ERFE: variants seen among roughly 807,000 people sequenced by gnomAD.
The protein encoded by ERFE is erythroferrone, also known as complement C1q tumor necrosis factor-related protein 15.
In ERFE, 25 loss-of-function variants were observed where a neutral mutation model predicts 26.6. The observed-to-expected ratio is 0.94, with a 90% confidence interval of 0.69 to 1.31. The LOEUF (loss-of-function observed/expected upper bound fraction) is 1.31. ERFE is among the 40% of genes most tolerant of loss of function. ERFE has a pLI of 0.00. For synonymous variants in ERFE, 206 were observed against 204.5 expected (o/e 1.01, Z -0.06); for missense variants, 447 against 440.2 (o/e 1.02, Z -0.14).
rs192903599 is a variant in ERFE at position 238,161,414 on chromosome 2, C to G, written c.199-180C>G. On this transcript the variant is annotated intron_variant, in intron 1 of 7. Transcript: ENST00000546354. ...TCCCTAGGAGTCATCCTCCACGGGC[C>G]GGGGGAGAAGCTGTGAGGGGTTGGG... Among the ~76,000 whole-genome samples, 3 of 152,186 alleles carry G rather than the reference C, an allele frequency of 2.0e-5. No individual in the cohort carries two copies. In the South Asian group the frequency reaches 6.2e-4, roughly 31 times the overall value.
Position 238,164,069 on chromosome 2 carries a change from T to C in ERFE, c.688-6T>C. On this transcript the variant is annotated splice_polypyrimidine_tract_variant and splice_region_variant and intron_variant, in intron 4 of 7. Transcript: ENST00000546354. Reference sequence around the variant, plus strand: ...GAGCCGGGGTGACCATCCGTGCCCCTCGCAGCCCGACGCCGAGGGTGCCTT... The same window carrying C: ...GAGCCGGGGTGACCATCCGTGCCCCCCGCAGCCCGACGCCGAGGGTGCCTT... 7.1e-7 allele frequency: 1 copy of C among 1,416,160 alleles called. No individual in the cohort carries two copies. The highest frequency in any genetic ancestry group is 9.2e-7 in the Non-Finnish European group (1 of 1,089,744). 87.7% of individuals were successfully genotyped at this position (1,416,160 alleles called of 1,614,324 possible). A position where few individuals can be genotyped will look rare whatever the true frequency, so the allele number is the denominator to read the frequency against.
chr2:238,164,553 C>G (rs867476900), intron 6 of ERFE, 193 bp downstream of exon 6: 1 of 588,506 alleles, frequency 1.7e-6, no homozygotes. Flanking sequence ...CAACTGGGAG[C>G]TGTTAAAAAT....
intron 7 of ERFE, 31 bp downstream of exon 7, chr2:238,165,715 C>T (rs1253584708): frequency 1.3e-6 from 2 of 1,539,964 alleles, no homozygotes; most frequent in East Asian, 2.5e-5. Context: ...CATCGAGGGG[C>T]ACCGCCTGGG....
At chr2:238,161,508 C>T (rs552337089) in intron 1 of ERFE, 86 bp from the exon 2 acceptor site, 19 of 1,425,642 alleles carry the variant, frequency 1.3e-5, no homozygotes, top group Middle Eastern at 2.6e-4. Context: ...TACAGAAGGC[C>T]ACACAGTCAC....
Position 238,168,869 on chromosome 2 carries a change from T to C in ERFE, c.*1815T>C, listed in dbSNP as rs1693095941. The C allele has an allele frequency of 6.1e-6, 1 of 162,796 alleles. No homozygotes were observed. The highest frequency in any genetic ancestry group is 1.4e-5 in the Non-Finnish European group (1 of 73,698). The allele number at this position is 162,796 out of a possible 1,614,324, so 10.1% of individuals were successfully genotyped here. A position where few individuals can be genotyped will look rare whatever the true frequency, so the allele number is the denominator to read the frequency against. ...GCAATTTATTAAAGTATTTATTGTC[T>C]AATAAATACTGCCAAGTGGAATATA... On this transcript the variant is annotated 3_prime_UTR_variant, in exon 8 of 8. Transcript: ENST00000546354.
At chr2:238,165,545 C>T (rs750727554) in intron 6 of ERFE, 61 bp from the exon 7 acceptor site, 7 of 1,380,600 alleles carry the variant, frequency 5.1e-6, no homozygotes, top group South Asian at 3.7e-5. Context: ...GATTGTGTGT[C>T]GTAGGTGAAG....
rs1220014773 is a variant in ERFE at position 238,168,779 on chromosome 2, T to TTA, written c.*1727_*1728dup. The stretch of plus-strand genomic sequence containing the variant: ...ACTGGGCACAGATATTCTAGAGAAC[T>TTA]TATCTTTCACTCTTGTAAAAGCCAC... On this transcript the variant is annotated 3_prime_UTR_variant, in exon 8 of 8. Transcript: ENST00000546354. 1.1e-5 allele frequency: 2 copies of TTA among 187,024 alleles called. No individual in the cohort carries two copies. The highest frequency in any genetic ancestry group is 1.1e-5 in the Non-Finnish European group (1 of 88,368). 11.6% of individuals were successfully genotyped at this position (187,024 alleles called of 1,614,324 possible). A position where few individuals can be genotyped will look rare whatever the true frequency, so the allele number is the denominator to read the frequency against.
intron 1 of ERFE, among the ~76,000 whole-genome samples, 181 bp downstream of exon 1, chr2:238,159,386 C>T (rs1490077034): frequency 2.6e-5 from 4 of 152,070 alleles, no homozygotes; most frequent in Non-Finnish European, 4.4e-5. Flanking sequence ...CTCAGCCCGG[C>T]GGGGCAGCCT....
rs893179735 is a variant in ERFE, at chr2:238,162,766, G to A, written c.352G>A (p.Gly118Ser). ...FGLPGPPGPP[G>S]PQGPPGPIIP... is the part of the protein sequence containing the mutation. ...CTTGCCAGGGCCCCCTGGGCCTCCC[G>A]GTCCCCAGGGCCCCCCAGGCCCCAT... Residue 118 changes from glycine (G) to serine (S), a missense_variant, in exon 3 of 8, where the codon GGT becomes AGT. Gly to Ser is a moderately conservative substitution (Grantham distance 56). Transcript: ENST00000546354. The A allele has an allele frequency of 1.3e-5, 20 of 1,549,968 alleles. No homozygotes were observed. Among genetic ancestry groups the A allele is most frequent in the Middle Eastern group, 3.3e-4 (2 of 6,012 alleles).
rs1469299998 is a variant in ERFE at position 238,167,247 on chromosome 2, C to A, written c.*193C>A. On this transcript the variant is annotated 3_prime_UTR_variant, in exon 8 of 8. Transcript: ENST00000546354. ...GGACGTGACACGCACGCTGGTGGTC[C>A]CGGAGCCAGGGTTGATTCAGGACAC... 1.4e-6 allele frequency: 1 copy of A among 717,434 alleles called. No homozygotes were observed. The highest frequency in any genetic ancestry group is 1.5e-5 in the South Asian group (1 of 67,056). 44.4% of individuals were successfully genotyped at this position (717,434 alleles called of 1,614,324 possible). A position where few individuals can be genotyped will look rare whatever the true frequency, so the allele number is the denominator to read the frequency against.
chr2:238,166,025 G>A (rs997210365), intron 7 of ERFE, among the ~76,000 whole-genome samples: 6 of 152,216 alleles, frequency 3.9e-5, no homozygotes, highest in African/African-American at 1.4e-4. Context: ...TGAAGGGACT[G>A]GTGCAGGGAG....
chr2:238,160,938 G>A (rs949417786), intron 1 of ERFE, among the ~76,000 whole-genome samples: 4 of 152,174 alleles, frequency 2.6e-5, no homozygotes, highest in Non-Finnish European at 4.4e-5. Flanking sequence ...GATGCAGCGC[G>A]GACAGGAATG....
At chr2:238,164,229 C>T in intron 5 of ERFE, 41 bp from the exon 6 acceptor site, 2 of 1,436,308 alleles carry the variant, frequency 1.4e-6, no homozygotes. Flanking sequence ...TCGCCCACCC[C>T]GCCGCCCGCC....
rs1347957900 is a variant in ERFE, at chr2:238,168,818, T to C, written c.*1764T>C. The C allele has an allele frequency of 1.3e-5, 1 of 75,752 alleles. No homozygotes were observed. Among genetic ancestry groups the C allele is most frequent in the East Asian group, 6.1e-4 (1 of 1,638 alleles). The allele number at this position is 75,752 out of a possible 1,614,324, so 4.7% of individuals were successfully genotyped here. On this transcript the variant is annotated 3_prime_UTR_variant, in exon 8 of 8. Transcript: ENST00000546354. ...TGTAAAAGCCACATATCCACATCTC[T>C]TTCATTTTTCTCAGTGTGTTATGCA... is the stretch of plus-strand genomic sequence containing the variant.
chr2:238,165,747 G>A (rs1693024368), intron 7 of ERFE, 63 bp downstream of exon 7: 2 of 1,439,888 alleles, frequency 1.4e-6, no homozygotes, highest in Non-Finnish European at 1.9e-6. Flanking sequence ...GTGGCTGGGT[G>A]CAGAAGGGTG....
At chr2:238,166,844 C>A in intron 7 of ERFE, 112 bp from the exon 8 acceptor site, 1 of 882,454 alleles carries the variant, frequency 1.1e-6, no homozygotes, top group Non-Finnish European at 1.8e-6. Flanking sequence ...GGGCCTGAGC[C>A]CTTCCCAAAA....
chr2:238,166,867 G>A, intron 7 of ERFE, 89 bp from the exon 8 acceptor site: 1 of 1,083,610 alleles, frequency 9.2e-7, no homozygotes. Flanking sequence ...GGGGCTGAGT[G>A]GGCAGGAGGG....
chr2:238,160,566 T>G (rs936236458), intron 1 of ERFE, among the ~76,000 whole-genome samples: 1 of 152,122 alleles, frequency 6.6e-6, no homozygotes, highest in Non-Finnish European at 1.5e-5. Flanking sequence ...CCTGGGCCCC[T>G]GAACCCTTTC....
chr2:238,163,541 T>G, intron 3 of ERFE, 196 bp from the exon 4 acceptor site: 1 of 636,244 alleles, frequency 1.6e-6, no homozygotes. Context: ...TTCCCAAATC[T>G]TGAGGGAAAC....
Sources: gnomAD v4.1 joint callset for allele counts (sites outside exome capture counted in the v4.1 genomes callset) on GRCh38, gnomAD v4.1.1 for gene constraint, MANE v1.5 for transcripts, NCBI Gene and HGNC (gene_info 2026-07-23, HGNC 2026-07-21) for gene names.